Variants in CNIH3 observed in about 807,000 individuals in gnomAD.
CNIH3 encodes cornichon family AMPA receptor auxiliary protein 3, also known as protein cornichon homolog 3.
CNIH3 carries 14 observed loss-of-function variants against 24.1 expected under a neutral mutation model. The observed-to-expected ratio is 0.58, with a 90% CI of 0.38 to 0.91. The LOEUF (loss-of-function observed/expected upper bound fraction) is 0.91, where lower values mean the gene tolerates loss of function less well. CNIH3 is among the 40% of genes least tolerant of loss of function. The probability of loss-of-function intolerance (pLI) is 0.00; values close to 1 mark genes in which losing one functional copy is unlikely to be tolerated. For synonymous variants in CNIH3, 68 were observed against 73.8 expected (o/e 0.92, Z 0.40); for missense variants, 178 against 196.8 (o/e 0.90, Z 0.57).
At chr1:224,447,399 C>CT (rs1372657063) in intron 1 of CNIH3, among the ~76,000 whole-genome samples, 2 of 152,116 alleles carry the variant, frequency 1.3e-5, no homozygotes, top group African/African-American at 2.4e-5. Flanking sequence ...CTTTTCTCTC[C>CT]TTTTTTTGTT....
Position 224,616,862 on chromosome 1 carries a change from C to CCGTA in CNIH3, c.-313_-312insCGTA. On this transcript the variant is annotated 5_prime_UTR_variant, in exon 1 of 6. It introduces an in-frame stop codon into an upstream open reading frame of the 5' UTR. Coordinates refer to ENST00000272133, the MANE Select transcript of CNIH3 (RefSeq NM_152495.2). ...CGTGTTGGTCTCGAGGGGCTCACAG[C>CCGTA]TTGGCACTAATTTGCAGGTGTTCGC... 6 of 1,201,920 alleles carry CCGTA rather than the reference C, an allele frequency of 5.0e-6. No individual in the cohort carries two copies. The highest frequency in any genetic ancestry group is 5.7e-5 in the South Asian group (2 of 35,116). The allele number at this position is 1,201,920 out of a possible 1,614,324, so 74.5% of individuals were successfully genotyped here. A position where few individuals can be genotyped will look rare whatever the true frequency, so the allele number is the denominator to read the frequency against.
chr1:224,665,317 T>C (rs554188093), intron 1 of CNIH3, among the ~76,000 whole-genome samples: 19 of 152,204 alleles, frequency 1.2e-4, no homozygotes, highest in South Asian at 1.0e-3. Flanking sequence ...GAGAAGGAGG[T>C]AACCTACTTC....
At chr1:224,649,612 G>A (rs937286600) in intron 1 of CNIH3, among the ~76,000 whole-genome samples, 2 of 152,140 alleles carry the variant, frequency 1.3e-5, no homozygotes, top group African/African-American at 4.8e-5. Flanking sequence ...CCCAAGTAGG[G>A]CTCTCTACAG....
At chr1:224,631,940 C>T (rs1357476878) in intron 1 of CNIH3, among the ~76,000 whole-genome samples, 1 of 152,046 alleles carries the variant, frequency 6.6e-6, no homozygotes, top group Non-Finnish European at 1.5e-5. Context: ...ACATTTGTAT[C>T]TTGGATTAAA....
intron 1 of CNIH3, among the ~76,000 whole-genome samples, chr1:224,644,389 T>G (rs1366831059): frequency 6.6e-6 from 1 of 151,988 alleles, no homozygotes; most frequent in Non-Finnish European, 1.5e-5. Flanking sequence ...TTTTGTATTT[T>G]TTGTAGATCT....
chr1:224,439,453 A>G (rs1163688306), intron 1 of CNIH3, among the ~76,000 whole-genome samples: 1 of 152,222 alleles, frequency 6.6e-6, no homozygotes, highest in East Asian at 1.9e-4. Context: ...GAAATGAACC[A>G]TAGAAACGAG....
intron 3 of CNIH3, among the ~76,000 whole-genome samples, chr1:224,689,942 T>G (rs1400232166): frequency 6.6e-6 from 1 of 151,946 alleles, no homozygotes; most frequent in Non-Finnish European, 1.5e-5. Context: ...AAAGTGCAGG[T>G]TTGGGAGCAG....
Position 224,458,152 on chromosome 1 carries a change from C to T in CNIH3, n.203+23290C>T, listed in dbSNP as rs1001722298. On this transcript the variant is annotated intron_variant and non_coding_transcript_variant, in intron 1 of 5. Transcript: ENST00000471578. The surrounding 1 kb of genome is among the most constrained non-coding windows in gnomAD (Gnocchi z 4.3). Reference sequence around the variant, plus strand: ...TGCTTTTGAATGTATTAAGGAGTGACGTACGGCTGGATTCACTCTGATCTC... The same window carrying T: ...TGCTTTTGAATGTATTAAGGAGTGATGTACGGCTGGATTCACTCTGATCTC... Among the ~76,000 whole-genome samples the T allele has an allele frequency of 5.3e-5, 8 of 152,192 alleles. No homozygotes were observed. Among genetic ancestry groups the T allele is most frequent in the South Asian group, 2.1e-4 (1 of 4,834 alleles).
intron 1 of CNIH3, among the ~76,000 whole-genome samples, chr1:224,451,500 T>C (rs1675397169): frequency 6.6e-6 from 1 of 152,254 alleles, no homozygotes. Context: ...CAAGGCTGTG[T>C]CTAGACAATG....
At chr1:224,497,553 G>T (rs1428940585) in intron 1 of CNIH3, among the ~76,000 whole-genome samples, 2 of 152,196 alleles carry the variant, frequency 1.3e-5, no homozygotes, top group African/African-American at 4.8e-5. Context: ...TTGCTGTGAA[G>T]ATTAGATAAG....
intron 1 of CNIH3, among the ~76,000 whole-genome samples, chr1:224,508,873 G>C (rs1419884270): frequency 1.3e-5 from 2 of 152,162 alleles, no homozygotes. Context: ...TAGACCCTGG[G>C]GGGTTCAAAG....
chr1:224,569,107 A>G (rs1680708172), intron 4 of CNIH3, among the ~76,000 whole-genome samples: 1 of 152,180 alleles, frequency 6.6e-6, no homozygotes, highest in African/African-American at 2.4e-5. Flanking sequence ...ACCTCAGGTG[A>G]TCTGCCCGTC....
chr1:224,506,418 C>T (rs1677921093), intron 1 of CNIH3, among the ~76,000 whole-genome samples: 1 of 152,248 alleles, frequency 6.6e-6, no homozygotes, highest in Admixed American at 6.5e-5. Context: ...GCCTTGGCTT[C>T]TGCTCTGCCA....
At chr1:224,738,185 C>G (rs1489522862) in intron 5 of CNIH3, among the ~76,000 whole-genome samples, 1 of 152,238 alleles carries the variant, frequency 6.6e-6, no homozygotes, top group Non-Finnish European at 1.5e-5. Flanking sequence ...CTGTATGCTT[C>G]CTCAAGGCAG....
chr1:224,493,869 C>T (rs1279785993), intron 1 of CNIH3, among the ~76,000 whole-genome samples: 2 of 152,162 alleles, frequency 1.3e-5, no homozygotes, highest in Non-Finnish European at 2.9e-5. Flanking sequence ...CTGCAAAGGA[C>T]AGCCCAGAGT....
intron 1 of CNIH3, among the ~76,000 whole-genome samples, chr1:224,452,234 T>C (rs1675430489): frequency 6.6e-6 from 1 of 151,624 alleles, no homozygotes; most frequent in Non-Finnish European, 1.5e-5. Context: ...ACTGCAACCT[T>C]CGCCTCCCGG....
chr1:224,446,455 T>G (rs1296184892), intron 1 of CNIH3, among the ~76,000 whole-genome samples: 1 of 152,164 alleles, frequency 6.6e-6, no homozygotes, highest in Non-Finnish European at 1.5e-5. Flanking sequence ...CTTAGTAATG[T>G]TTCATGGTTT....
At chr1:224,698,751 G>T (rs1687313387) in intron 3 of CNIH3, among the ~76,000 whole-genome samples, 1 of 152,190 alleles carries the variant, frequency 6.6e-6, no homozygotes, top group Non-Finnish European at 1.5e-5. Flanking sequence ...GCTTTCCTTA[G>T]CAGACTAGAA....
intron 1 of CNIH3, among the ~76,000 whole-genome samples, chr1:224,498,306 G>A (rs886844871): frequency 1.3e-5 from 2 of 152,134 alleles, no homozygotes; most frequent in African/African-American, 2.4e-5. Context: ...TGGTGGTGGC[G>A]GTAGGGGTGT....
Sources: gnomAD v4.1 joint callset for allele counts (sites outside exome capture counted in the v4.1 genomes callset) on GRCh38, gnomAD v4.1.1 for gene constraint, Gnocchi (gnomAD v3.1) non-coding constraint, MANE v1.5 for transcripts, NCBI Gene and HGNC (gene_info 2026-07-23, HGNC 2026-07-21) for gene names.